The following CCSER1 variants were observed in gnomAD, a reference collection of about 807,000 sequenced individuals.
The protein encoded by CCSER1 is coiled-coil serine rich protein 1, also known as serine-rich coiled-coil domain-containing protein 1.
A neutral mutation model predicts 82.0 loss-of-function variants in CCSER1; 41 were observed. The observed-to-expected ratio is 0.50, with a 90% CI of 0.39 to 0.65. CCSER1 has a LOEUF of 0.65. Among genes scored for constraint, CCSER1 ranks in the 30% least tolerant of loss-of-function variants. The pLI, the probability that CCSER1 is intolerant of heterozygous loss-of-function variation, is 0.00. For missense variants in CCSER1, 1,119 were observed against 1,064.2 expected (o/e 1.05, Z -0.72); for synonymous variants, 414 against 383.9 (o/e 1.08, Z -0.92).
rs186940944 is a variant in CCSER1, at chr4:91,277,926, G to T, written c.2217+191932G>T. On this transcript the variant is annotated intron_variant, in intron 10 of 10. Transcript: ENST00000509176. The stretch of plus-strand genomic sequence containing the variant: ...AAATTATTTTATTTCTTTCTTAATT[G>T]CTTCCTTGACCCAATGGTTATTCAG... 1.5e-3 allele frequency among the ~76,000 whole-genome samples: 233 copies of T among 151,596 alleles called. 1 individual carries two copies. Among genetic ancestry groups the T allele is most frequent in the African/African-American group, 5.2e-3 (215 of 41,362 alleles).
In CCSER1 at chr4:91,441,504, A is replaced by G. The variant is rs1755145132; in HGVS notation, c.2218-157068A>G. ...TAAGAGCTATCTATGACAAACTCAC[A>G]GCCAATATCATACTGAATGGGCAAA... On this transcript the variant is annotated intron_variant, in intron 10 of 10. Transcript: ENST00000509176. Among the ~76,000 whole-genome samples the G allele has an allele frequency of 1.3e-5, 2 of 152,076 alleles. 1 individual carries two copies. The highest frequency in any genetic ancestry group is 1.3e-4 in the Admixed American group (2 of 15,260).
Position 90,932,885 on chromosome 4 carries a change from A to G in CCSER1, c.2172+9438A>G, listed in dbSNP as rs79094980. 3.5e-4 allele frequency among the ~76,000 whole-genome samples: 23 copies of G among 66,190 alleles called. 1 individual carries two copies. The highest frequency in any genetic ancestry group is 9.1e-4 in the East Asian group (3 of 3,302). The allele number at this position is 66,190 out of a possible 152,430, so 43.4% of individuals were successfully genotyped here. A position where few individuals can be genotyped will look rare whatever the true frequency, so the allele number is the denominator to read the frequency against. On this transcript the variant is annotated intron_variant, in intron 9 of 10. Transcript: ENST00000509176. ...CCGTCTCAAGAAAGGAAGGAAGGAA[A>G]GAAAGAAGGAAGGAGAAAGAAGGAG...
chr4:91,253,480 G>T (rs962364805), intron 10 of CCSER1, among the ~76,000 whole-genome samples: 1 of 152,040 alleles, frequency 6.6e-6, no homozygotes, highest in African/African-American at 2.4e-5. Context: ...AAATGTATAT[G>T]CTATCTATAA....
At chr4:90,148,757 A>G (rs1451352032) in intron 1 of CCSER1, among the ~76,000 whole-genome samples, 1 of 152,162 alleles carries the variant, frequency 6.6e-6, no homozygotes, top group African/African-American at 2.4e-5. Context: ...TCACTGTGTA[A>G]TTAGTACTTC....
chr4:90,239,293 A>G (rs1410573760), intron 1 of CCSER1, among the ~76,000 whole-genome samples: 1 of 152,244 alleles, frequency 6.6e-6, no homozygotes, highest in Non-Finnish European at 1.5e-5. Flanking sequence ...TGAAGGCTAC[A>G]GTCAGTTATA....
intron 1 of CCSER1, among the ~76,000 whole-genome samples, chr4:90,161,958 G>A (rs1462871942): frequency 1.3e-5 from 2 of 152,064 alleles, no homozygotes; most frequent in African/African-American, 2.4e-5. Context: ...TTTCAAGCAA[G>A]TAGACAAATG....
At chr4:90,478,512 A>G (rs946285361) in intron 5 of CCSER1, among the ~76,000 whole-genome samples, 2 of 152,184 alleles carry the variant, frequency 1.3e-5, no homozygotes, top group African/African-American at 4.8e-5. Flanking sequence ...AGTCTTTAAA[A>G]TAATAAATTG....
intron 10 of CCSER1, among the ~76,000 whole-genome samples, chr4:91,273,626 G>T (rs1742206548): frequency 2.0e-5 from 3 of 152,140 alleles, no homozygotes; most frequent in Admixed American, 6.5e-5. Context: ...GCTCTGGCTA[G>T]GACTTCCAGT....
chr4:90,950,519 C>T (rs1318989977), intron 9 of CCSER1, among the ~76,000 whole-genome samples: 1 of 150,130 alleles, frequency 6.7e-6, no homozygotes, highest in African/African-American at 2.4e-5. Flanking sequence ...CACACACGTG[C>T]ACGCGTGCAC....
chr4:90,316,154 C>T (rs1476098833), intron 3 of CCSER1, among the ~76,000 whole-genome samples: 1 of 152,144 alleles, frequency 6.6e-6, no homozygotes, highest in Non-Finnish European at 1.5e-5. Context: ...GTACTATCAA[C>T]TAAATGATTC....
Position 90,695,921 on chromosome 4 carries a change from TAACAA to T in CCSER1, c.1933-27987_1933-27983del, listed in dbSNP as rs1345292591. 2.0e-5 allele frequency among the ~76,000 whole-genome samples: 3 copies of T among 152,096 alleles called. No homozygotes were observed. The East Asian group carries it at 5.8e-4, about 29-fold the overall frequency. On this transcript the variant is annotated intron_variant, in intron 6 of 10. Transcript: ENST00000509176. ...AATAGAGATGACACAAAGAGCTAGGTAACAAAACAATAAATAAATTCAACAGTAAA... is the reference window on the plus strand; with the variant it reads ...AATAGAGATGACACAAAGAGCTAGGTAACAATAAATAAATTCAACAGTAAA...
chr4:90,836,294 A>C (rs1761793271), intron 8 of CCSER1, among the ~76,000 whole-genome samples: 1 of 152,132 alleles, frequency 6.6e-6, no homozygotes, highest in South Asian at 2.1e-4. Context: ...CATCCTAATG[A>C]ATGTATTAGT....
intron 9 of CCSER1, among the ~76,000 whole-genome samples, chr4:90,971,320 T>A (rs75481673): frequency 0.033 from 4,975 of 151,722 alleles, 264 homozygotes; most frequent in African/African-American, 0.1. Flanking sequence ...GAGAGCAAAG[T>A]TGGAAGTGCT....
intron 1 of CCSER1, among the ~76,000 whole-genome samples, chr4:90,281,679 T>A (rs889912390): frequency 2.0e-5 from 3 of 151,986 alleles, no homozygotes; most frequent in East Asian, 1.9e-4. Context: ...CATTCTCAAG[T>A]CTATTTTTAT....
intron 10 of CCSER1, among the ~76,000 whole-genome samples, chr4:91,335,225 A>G (rs1196670415): frequency 6.6e-6 from 1 of 152,114 alleles, no homozygotes; most frequent in Non-Finnish European, 1.5e-5. Flanking sequence ...GAGCCACAGC[A>G]TGAAACTGAG....
At chr4:90,670,149 G>A (rs1176301898) in intron 6 of CCSER1, among the ~76,000 whole-genome samples, 1 of 152,048 alleles carries the variant, frequency 6.6e-6, no homozygotes, top group Non-Finnish European at 1.5e-5. Context: ...TAATGAGATG[G>A]AATCTATTAA....
At chr4:90,183,169 T>C (rs1734005426) in intron 1 of CCSER1, among the ~76,000 whole-genome samples, 2 of 152,100 alleles carry the variant, frequency 1.3e-5, no homozygotes, top group South Asian at 4.1e-4. Flanking sequence ...CTGAGTAAAA[T>C]ATTCATTATT....
intron 4 of CCSER1, among the ~76,000 whole-genome samples, chr4:90,411,952 AT>A (rs1754915062): frequency 1.3e-5 from 2 of 152,148 alleles, no homozygotes; most frequent in African/African-American, 4.8e-5. Context: ...ATGTGCAAAA[AT>A]CACAGGCATT....
chr4:91,153,146 C>T (rs969490136), intron 10 of CCSER1, among the ~76,000 whole-genome samples: 2 of 151,990 alleles, frequency 1.3e-5, no homozygotes, highest in Non-Finnish European at 2.9e-5. Context: ...TTCAGATATA[C>T]CAATCAGATG....
Sources: allele counts gnomAD v4.1 joint callset (sites outside exome capture counted in the v4.1 genomes callset), GRCh38; gene constraint gnomAD v4.1.1; transcripts MANE v1.5; gene names NCBI Gene and HGNC (gene_info 2026-07-23, HGNC 2026-07-21).